The following FMN1 variants were observed in gnomAD, a reference collection of about 807,000 sequenced individuals.
The protein encoded by FMN1 is formin-1.
FMN1 carries 110 observed loss-of-function variants against 132.4 expected under a neutral mutation model. That is an observed-to-expected ratio of 0.83 (90% CI 0.71 to 0.97). FMN1 has a LOEUF of 0.97. Among genes scored for constraint, FMN1 ranks in the 50% least tolerant of loss-of-function variants. The pLI is 0.00. For missense variants in FMN1, 1,792 were observed against 1,705.3 expected (o/e 1.05, Z -0.90); for synonymous variants, 722 against 651.7 (o/e 1.11, Z -1.64).
chr15:32,980,840 A>T (rs372018000), intron 7 of FMN1, among the ~76,000 whole-genome samples: 1 of 152,104 alleles, frequency 6.6e-6, no homozygotes, highest in Non-Finnish European at 1.5e-5. Context: ...GCAAAACCCC[A>T]TCTCTACTAG....
intron 2 of FMN1, among the ~76,000 whole-genome samples, chr15:33,192,693 C>A (rs1966120209): frequency 6.6e-6 from 1 of 152,172 alleles, no homozygotes; most frequent in Non-Finnish European, 1.5e-5. Context: ...CCATTTGCAT[C>A]AGCTCTGACA....
intron 2 of FMN1, among the ~76,000 whole-genome samples, chr15:33,193,472 T>C (rs888827684): frequency 1.3e-5 from 2 of 152,286 alleles, no homozygotes; most frequent in Admixed American, 1.3e-4. Flanking sequence ...TAGCAGATGA[T>C]GGCACATGTC....
chr15:33,117,174 T>C (rs897568009), intron 4 of FMN1, among the ~76,000 whole-genome samples: 1 of 151,684 alleles, frequency 6.6e-6, no homozygotes, highest in Non-Finnish European at 1.5e-5. Flanking sequence ...CTCTAACAAC[T>C]CTCACGGAGT....
At chr15:33,086,261 A>G (rs1311787264) in intron 5 of FMN1, among the ~76,000 whole-genome samples, 1 of 151,706 alleles carries the variant, frequency 6.6e-6, no homozygotes, top group Non-Finnish European at 1.5e-5. Flanking sequence ...AAATTAAAAA[A>G]AAAAAAAAAA....
At chr15:32,900,249 G>T in intron 13 of FMN1, 124 bp from the exon 14 acceptor site, 1 of 1,019,228 alleles carries the variant, frequency 9.8e-7, no homozygotes, top group Non-Finnish European at 1.5e-6. Context: ...AGAATTAACA[G>T]TTGCTGAAAT....
chr15:32,776,897 C>T lies in FMN1; in HGVS notation c.4153G>A (p.Val1385Ile). 6.3e-7 allele frequency: 1 copy of T among 1,592,724 alleles called. No homozygotes were observed. Among genetic ancestry groups the T allele is most frequent in the Non-Finnish European group, 8.6e-7 (1 of 1,167,348 alleles). The change falls in exon 20 of 21, where the codon GTC becomes ATC. Residue 1385 changes from valine (V) to isoleucine (I), a missense_variant. Val to Ile is a conservative substitution (Grantham distance 29). This residue lies in a region of FMN1 where 1,150 missense variants were observed against 1,043.1 expected (regional missense o/e 1.10). Transcript: ENST00000616417. ...TTCTTCTCTGAAGTCAACTTGCTGA[C>T]TGATTCCTGAGCCATTTTCAATCTG... ...KERLKMAQES[V>I]SKLTSEKKVE...
At position 33,022,340 on chromosome 15, in the gene FMN1, A is replaced by T. The variant is rs372398204; in HGVS notation, c.2162-14265T>A. Reference sequence around the variant, plus strand: ...CAAGTGCCACAGCAAGACTTGAAGGATTGGGTATGGAGGGGAGGCTGGGGA... The same window carrying T: ...CAAGTGCCACAGCAAGACTTGAAGGTTTGGGTATGGAGGGGAGGCTGGGGA... On this transcript the variant is annotated intron_variant, in intron 6 of 20. Coordinates refer to ENST00000616417, the MANE Select transcript of FMN1 (RefSeq NM_001277313.2). Among the ~76,000 whole-genome samples, 186 of 152,276 alleles carry T rather than the reference A, an allele frequency of 1.2e-3. 1 individual carries two copies. The highest frequency in any genetic ancestry group is 4.2e-3 in the African/African-American group (176 of 41,558).
chr15:33,009,268 T>C lies in FMN1; in HGVS notation c.2162-1193A>G, dbSNP rs545780525. On this transcript the variant is annotated intron_variant, in intron 6 of 20. Coordinates refer to ENST00000616417, the MANE Select transcript of FMN1 (RefSeq NM_001277313.2). ...CCATCTCCACTAGATTAAAGCAGTA[T>C]ACTTCTGGTAGGGTGCCTGCTTCTA... Among the ~76,000 whole-genome samples the C allele has an allele frequency of 3.3e-5, 5 of 152,330 alleles. No homozygotes were observed. The South Asian group carries it at 1.0e-3, about 32-fold the overall frequency.
chr15:33,046,657 A>G (rs1027312252), intron 6 of FMN1, among the ~76,000 whole-genome samples: 5 of 152,140 alleles, frequency 3.3e-5, no homozygotes, highest in Non-Finnish European at 5.9e-5. Context: ...GGTATGGCAA[A>G]CAGGGTTGCT....
At chr15:33,102,463 T>C (rs1478332041) in intron 4 of FMN1, among the ~76,000 whole-genome samples, 1 of 152,112 alleles carries the variant, frequency 6.6e-6, no homozygotes, top group Non-Finnish European at 1.5e-5. Context: ...AGGTAGAAGG[T>C]GAACCCAGTC....
At chr15:32,964,335 C>T in intron 8 of FMN1, 78 bp from the exon 9 acceptor site, 1 of 1,029,156 alleles carries the variant, frequency 9.7e-7, no homozygotes, top group Non-Finnish European at 1.4e-6. Context: ...TTTCTCTAAT[C>T]CATTTTTTAA....
At chr15:32,883,154 GGAAGA>G (rs769472002) in intron 16 of FMN1, among the ~76,000 whole-genome samples, 5 of 152,236 alleles carry the variant, frequency 3.3e-5, no homozygotes, top group Admixed American at 1.3e-4. Flanking sequence ...TGCAGTAATA[GGAAGA>G]GAAAAGGACA....
intron 10 of FMN1, among the ~76,000 whole-genome samples, chr15:32,912,787 C>CA (rs1301670646): frequency 6.6e-6 from 1 of 151,854 alleles, no homozygotes; most frequent in Non-Finnish European, 1.5e-5. Context: ...AAAATTTACT[C>CA]ATTGTGTGAT....
chr15:33,060,422 G>A (rs1349963), intron 6 of FMN1, among the ~76,000 whole-genome samples: 2,314 of 152,232 alleles, frequency 0.015, 56 homozygotes, highest in African/African-American at 0.053. Context: ...TTATAATGAC[G>A]TAAATTAAAA....
At chr15:32,811,657 T>A (rs2057882148) in intron 17 of FMN1, among the ~76,000 whole-genome samples, 1 of 151,422 alleles carries the variant, frequency 6.6e-6, no homozygotes, top group South Asian at 2.1e-4. Flanking sequence ...GTCTTTTTCA[T>A]CATTTTATTT....
Position 33,128,214 on chromosome 15 carries a change from G to A in FMN1, c.1867+24834C>T, listed in dbSNP as rs148386436. 9.3e-3 allele frequency among the ~76,000 whole-genome samples: 1,421 copies of A among 152,190 alleles called. 18 individuals are homozygous for A. Among genetic ancestry groups the A allele is most frequent in the African/African-American group, 0.033 (1,352 of 41,482 alleles). ...CTCCCGGGAAAAAAAGCAAAAAGCA[G>A]ACTTACGAGCAACCAAAGACCATAA... On this transcript the variant is annotated intron_variant, in intron 4 of 20. Transcript: ENST00000616417.
chr15:32,877,994 A>G (rs515107), intron 16 of FMN1, among the ~76,000 whole-genome samples: 6,064 of 152,056 alleles, frequency 0.04, 402 homozygotes, highest in African/African-American at 0.14. Flanking sequence ...GGAAGAGAAA[A>G]TTTACAAACA....
intron 5 of FMN1, among the ~76,000 whole-genome samples, chr15:33,076,039 G>A (rs946319800): frequency 6.6e-6 from 1 of 152,176 alleles, no homozygotes. Flanking sequence ...TCTAGAAATG[G>A]ATTTAATATT....
chr15:32,823,152 GTTTTTTTT>G (rs373185751), intron 17 of FMN1, among the ~76,000 whole-genome samples: 24 of 86,228 alleles, frequency 2.8e-4, no homozygotes, highest in African/African-American at 1.1e-3. Context: ...AGTTTCTACT[GTTTTTTTT>G]TTTTTTTTTT....
Sources: gnomAD v4.1 joint callset for allele counts (sites outside exome capture counted in the v4.1 genomes callset) on GRCh38, gnomAD v4.1.1 for gene constraint, gnomAD v4.1.1 regional missense constraint, MANE v1.5 for transcripts, NCBI Gene and HGNC (gene_info 2026-07-23, HGNC 2026-07-21) for gene names.